MYO1D: variants seen among roughly 807,000 people sequenced by gnomAD.
MYO1D encodes myosin ID, also known as unconventional myosin-Id.
Under a neutral mutation model 122.0 loss-of-function variants are expected in MYO1D, and 83 were observed. The observed-to-expected ratio is 0.68, with a 90% CI of 0.57 to 0.82. The LOEUF is 0.82. Among genes scored for constraint, MYO1D ranks in the 40% least tolerant of loss-of-function variants. The pLI is 0.00. For synonymous variants in MYO1D, 464 were observed against 446.9 expected (o/e 1.04, Z -0.48); for missense variants, 1,157 against 1,269.5 (o/e 0.91, Z 1.35).
At chr17:32,673,191 C>G (rs569406738) in intron 16 of MYO1D, among the ~76,000 whole-genome samples, 170 of 139,772 alleles carry the variant, frequency 1.2e-3, no homozygotes, top group South Asian at 1.7e-3. Context: ...GCAACCTCCA[C>G]ATCCCAGGTT....
chr17:32,588,676 C>T (rs545586759), intron 21 of MYO1D, among the ~76,000 whole-genome samples: 2 of 152,282 alleles, frequency 1.3e-5, no homozygotes, highest in South Asian at 4.1e-4. Context: ...AAAGGCTGGG[C>T]ATGGTGGCTC....
At chr17:32,801,738 C>G (rs1260159749) in intron 1 of MYO1D, among the ~76,000 whole-genome samples, 1 of 152,160 alleles carries the variant, frequency 6.6e-6, no homozygotes, top group Admixed American at 6.5e-5. Context: ...CTTCCTAGCT[C>G]TGTTTGTAAG....
At chr17:32,608,005 GA>G (rs2087650377) in intron 20 of MYO1D, among the ~76,000 whole-genome samples, 1 of 152,104 alleles carries the variant, frequency 6.6e-6, no homozygotes, top group Non-Finnish European at 1.5e-5. Flanking sequence ...CTATAAGATC[GA>G]AATGCAAAAT....
chr17:32,688,662 C>T (rs1247292457), intron 16 of MYO1D, among the ~76,000 whole-genome samples: 2 of 152,170 alleles, frequency 1.3e-5, no homozygotes, highest in African/African-American at 2.4e-5. Context: ...TATGGCATCA[C>T]AGGAGACGTG....
rs777373599 is a variant in MYO1D, at chr17:32,775,899, T to A, written c.529A>T (p.Ile177Phe). The A allele has an allele frequency of 6.8e-6, 11 of 1,613,334 alleles. No homozygotes were observed. The South Asian group carries it at 1.2e-4, about 18-fold the overall frequency. The part of the protein sequence containing the change: ...DINFDFKGDP[I>F]GGHINNYLLE... ...AAGTAGTTATTGATATGCCCACCAA[T>A]AGGGTCACCCTTGAAGTCAAAGTTG... The change falls in exon 4 of 22, where the codon ATT becomes TTT. Residue 177 changes from isoleucine (I) to phenylalanine (F), a missense_variant. By Grantham distance (21) the Ile-to-Phe change is conservative. Transcript: ENST00000318217.
At chr17:32,533,247 C>T (rs931837732) in intron 21 of MYO1D, among the ~76,000 whole-genome samples, 1 of 152,186 alleles carries the variant, frequency 6.6e-6, no homozygotes, top group Non-Finnish European at 1.5e-5. Flanking sequence ...TATTCAGCTG[C>T]CTCTTAGATA....
At chr17:32,815,565 G>A (rs201400915) in intron 1 of MYO1D, among the ~76,000 whole-genome samples, 4 of 152,282 alleles carry the variant, frequency 2.6e-5, no homozygotes, top group East Asian at 3.9e-4. Flanking sequence ...TCCTGGTCAG[G>A]CAGCCCTCTT....
At chr17:32,614,834 C>T (rs1237786704) in intron 20 of MYO1D, among the ~76,000 whole-genome samples, 1 of 152,232 alleles carries the variant, frequency 6.6e-6, no homozygotes, top group Non-Finnish European at 1.5e-5. Flanking sequence ...GTGAGGCAGC[C>T]AAACCTCTCA....
chr17:32,816,749 T>A (rs1036514449), intron 1 of MYO1D, among the ~76,000 whole-genome samples: 9 of 152,208 alleles, frequency 5.9e-5, no homozygotes, highest in Non-Finnish European at 1.3e-4. Flanking sequence ...TCACCTCAAC[T>A]GCAGATATTA....
chr17:32,771,293 G>T, intron 5 of MYO1D, 73 bp from the exon 6 acceptor site: 1 of 1,025,928 alleles, frequency 9.7e-7, no homozygotes, highest in Non-Finnish European at 1.5e-6. Context: ...TGGTAATCTA[G>T]CTTTTATTCA....
At chr17:32,496,581 C>A (rs547427074) in intron 21 of MYO1D, among the ~76,000 whole-genome samples, 1 of 152,304 alleles carries the variant, frequency 6.6e-6, no homozygotes, top group South Asian at 2.1e-4. Flanking sequence ...CCAGGTGGGG[C>A]CCCTGCAGCC....
chr17:32,657,312 A>G (rs868117278), intron 17 of MYO1D, among the ~76,000 whole-genome samples: 1 of 152,278 alleles, frequency 6.6e-6, no homozygotes, highest in South Asian at 2.1e-4. Flanking sequence ...AATTCCTGAT[A>G]GTGCCTAGAT....
chr17:32,708,215 G>A (rs1480916358), intron 16 of MYO1D, among the ~76,000 whole-genome samples: 1 of 152,022 alleles, frequency 6.6e-6, no homozygotes, highest in Non-Finnish European at 1.5e-5. Context: ...AGATAAAGTT[G>A]ATCATAGAAA....
In MYO1D at chr17:32,638,710, C is replaced by G. The variant is rs747595879; in HGVS notation, c.2709+12G>C. 18 of 1,563,960 alleles carry G rather than the reference C, an allele frequency of 1.2e-5. No individual in the cohort carries two copies. The South Asian group carries it at 1.9e-4, about 16-fold the overall frequency. On this transcript the variant is annotated intron_variant, in intron 20 of 21. Transcript: ENST00000318217. ...AAGAATCTTTATCCAGAGAGAAGCA[C>G]AGAGGACTTACATTGTATAGAGGGA...
At chr17:32,522,434 A>T (rs1245628079) in intron 21 of MYO1D, among the ~76,000 whole-genome samples, 1 of 152,232 alleles carries the variant, frequency 6.6e-6, no homozygotes, top group East Asian at 1.9e-4. Flanking sequence ...TGAAGGCCTT[A>T]AGTTCTAGCT....
chr17:32,630,687 T>C (rs1002564374), intron 20 of MYO1D, among the ~76,000 whole-genome samples: 9 of 152,086 alleles, frequency 5.9e-5, no homozygotes, highest in African/African-American at 2.2e-4. Flanking sequence ...ATCCTCCTGC[T>C]TCAGCCTCCC....
chr17:32,711,057 A>G (rs910961306), intron 16 of MYO1D, among the ~76,000 whole-genome samples: 5 of 152,344 alleles, frequency 3.3e-5, no homozygotes, highest in African/African-American at 1.2e-4. Flanking sequence ...TCACCTAGGT[A>G]TATATCCCAA....
intron 20 of MYO1D, among the ~76,000 whole-genome samples, chr17:32,627,303 C>T (rs562384558): frequency 8.5e-5 from 13 of 152,310 alleles, no homozygotes; most frequent in South Asian, 2.1e-4. Flanking sequence ...CCAGCACAGG[C>T]GGTGCCAGAC....
chr17:32,557,636 A>G (rs577261360), intron 21 of MYO1D, among the ~76,000 whole-genome samples: 25 of 151,902 alleles, frequency 1.6e-4, no homozygotes, highest in East Asian at 3.9e-4. Flanking sequence ...CCCATCCAGT[A>G]GCTGGGACTA....
Sources: allele counts gnomAD v4.1 joint callset (sites outside exome capture counted in the v4.1 genomes callset), GRCh38; gene constraint gnomAD v4.1.1; transcripts MANE v1.5; gene names NCBI Gene and HGNC (gene_info 2026-07-23, HGNC 2026-07-21).